Variants in MARCHF6 observed in about 807,000 individuals in gnomAD.
The protein encoded by MARCHF6 is E3 ubiquitin-protein ligase MARCHF6.
In MARCHF6, 31 loss-of-function variants were observed where a neutral mutation model predicts 133.7. The ratio of observed to expected loss-of-function variants is 0.23; its 90% confidence interval spans 0.17 to 0.31. The LOEUF (loss-of-function observed/expected upper bound fraction) is 0.31, where lower values mean the gene tolerates loss of function less well. MARCHF6 is among the 10% of genes least tolerant of loss of function. The pLI is 1.00. For synonymous variants in MARCHF6, 395 were observed against 402.5 expected, an observed-to-expected ratio of 0.98 and a Z score of 0.22; for missense variants, 723 against 1,121.6, an observed-to-expected ratio of 0.64 and a Z score of 5.08.
intron 9 of MARCHF6, among the ~76,000 whole-genome samples, chr5:10,396,434 G>A (rs1738196178): frequency 1.3e-5 from 2 of 152,168 alleles, no homozygotes; most frequent in Admixed American, 6.5e-5. Context: ...AGGCAGAGAG[G>A]TTGAAAAAAT....
chr5:10,420,569 G>A (rs768974641), intron 22 of MARCHF6, among the ~76,000 whole-genome samples: 8 of 152,314 alleles, frequency 5.3e-5, no homozygotes, highest in Non-Finnish European at 8.8e-5. Flanking sequence ...AGAGCATCCC[G>A]TGGCATCAAG....
Position 10,437,845 on chromosome 5 carries a change from T to C in MARCHF6, c.*4161T>C, listed in dbSNP as rs1740711295. The C allele has an allele frequency of 6.6e-6, 1 of 152,354 alleles. No individual in the cohort carries two copies. The highest frequency in any genetic ancestry group is 6.5e-5 in the Admixed American group (1 of 15,282). 9.4% of individuals were successfully genotyped at this position (152,354 alleles called of 1,614,324 possible). On this transcript the variant is annotated 3_prime_UTR_variant, in exon 26 of 26. Transcript: ENST00000274140. ...CAAAACTGAATAAAGTGAATGTTAA[T>C]TGTAGTCTAGTTTTTTTGTTTGTTT...
Position 10,397,287 on chromosome 5 carries a change from CT to C in MARCHF6, c.862-3del. On this transcript the variant is annotated splice_polypyrimidine_tract_variant and splice_region_variant and intron_variant, in intron 9 of 25. Coordinates refer to ENST00000274140, the MANE Select transcript of MARCHF6 (RefSeq NM_005885.4). ...AATATGCTTTATTGATGCTTTTTTC[CT>C]TTAGGAACATGTCTTCTGGGTGGTA... The C allele has an allele frequency of 1.3e-6, 2 of 1,561,580 alleles. No individual in the cohort carries two copies. The highest frequency in any genetic ancestry group is 1.7e-6 in the Non-Finnish European group (2 of 1,159,442).
intron 5 of MARCHF6, among the ~76,000 whole-genome samples, chr5:10,389,117 A>G (rs1009211689): frequency 6.6e-6 from 1 of 152,162 alleles, no homozygotes; most frequent in Non-Finnish European, 1.5e-5. Context: ...TCTATGGAGG[A>G]AAAAAGTGAT....
intron 7 of MARCHF6, among the ~76,000 whole-genome samples, chr5:10,393,248 T>C (rs910924970): frequency 6.6e-6 from 1 of 152,056 alleles, no homozygotes; most frequent in Non-Finnish European, 1.5e-5. Context: ...TTTTTGTTTT[T>C]GTTTTCTTGG....
chr5:10,380,841 C>T (rs1737091408), intron 3 of MARCHF6, among the ~76,000 whole-genome samples: 1 of 151,566 alleles, frequency 6.6e-6, no homozygotes, highest in Non-Finnish European at 1.5e-5. Flanking sequence ...GCAGGAGAAT[C>T]ACTTGAACCT....
intron 1 of MARCHF6, among the ~76,000 whole-genome samples, chr5:10,360,430 C>T (rs180741475): frequency 1.6e-4 from 24 of 152,218 alleles, no homozygotes; most frequent in African/African-American, 3.6e-4. Context: ...TGAGCCACCG[C>T]GCCCGGCTGT....
intron 10 of MARCHF6, among the ~76,000 whole-genome samples, chr5:10,399,304 T>TA (rs1738376091): frequency 6.6e-6 from 1 of 151,880 alleles, no homozygotes; most frequent in Admixed American, 6.6e-5. Flanking sequence ...AGTAAACTAA[T>TA]ACGTATATAT....
intron 1 of MARCHF6, among the ~76,000 whole-genome samples, chr5:10,355,294 C>T (rs1185795936): frequency 6.6e-6 from 1 of 152,142 alleles, no homozygotes; most frequent in Admixed American, 6.5e-5. Flanking sequence ...ACAGGTGGTC[C>T]TTGCGTGTAA....
intron 1 of MARCHF6, among the ~76,000 whole-genome samples, chr5:10,375,350 C>T (rs1019866516): frequency 4.6e-5 from 7 of 152,240 alleles, no homozygotes; most frequent in African/African-American, 7.2e-5. Flanking sequence ...GCCGGCCCAC[C>T]GGCGCTGTGC....
chr5:10,368,060 C>T (rs145551449), intron 1 of MARCHF6, among the ~76,000 whole-genome samples: 111 of 152,282 alleles, frequency 7.3e-4, no homozygotes, highest in African/African-American at 2.5e-3. Flanking sequence ...GAACCTACTT[C>T]GGTGGTTTAA....
chr5:10,403,634 T>C, intron 15 of MARCHF6, 93 bp downstream of exon 15: 1 of 1,140,138 alleles, frequency 8.8e-7, no homozygotes, highest in South Asian at 1.8e-5. Context: ...GATGATTTCC[T>C]ACCTAAATCA....
At chr5:10,376,432 G>A (rs1289179673) in intron 1 of MARCHF6, among the ~76,000 whole-genome samples, 1 of 152,102 alleles carries the variant, frequency 6.6e-6, no homozygotes, top group African/African-American at 2.4e-5. Context: ...AACTCCAGAC[G>A]CGACACCTTA....
chr5:10,378,859 A>ATT, intron 3 of MARCHF6, 27 bp downstream of exon 3: 1 of 1,523,820 alleles, frequency 6.6e-7, no homozygotes, highest in Non-Finnish European at 9.1e-7. Context: ...TTTTCACTGC[A>ATT]TTTTTTTTGG....
At position 10,407,091 on chromosome 5, in the gene MARCHF6, T is replaced by G; in HGVS notation, c.1453-11T>G. 6.5e-7 allele frequency: 1 copy of G among 1,532,308 alleles called. No homozygotes were observed. Among genetic ancestry groups the G allele is most frequent in the Non-Finnish European group, 9.0e-7 (1 of 1,107,134 alleles). 94.9% of individuals were successfully genotyped at this position (1,532,308 alleles called of 1,614,324 possible). ...TCTTATAGTGGTGTCATACCCTGTT[T>G]CCTTCTGCAGATTGTCTTTGGCTCC... On this transcript the variant is annotated splice_polypyrimidine_tract_variant and intron_variant, in intron 16 of 25. Transcript: ENST00000274140.
At chr5:10,359,524 AT>A (rs915642505) in intron 1 of MARCHF6, among the ~76,000 whole-genome samples, 1 of 151,810 alleles carries the variant, frequency 6.6e-6, no homozygotes, top group Non-Finnish European at 1.5e-5. Flanking sequence ...GCATAATTTT[AT>A]TTTTTTTGCT....
chr5:10,389,478 T>C (rs888307862), intron 5 of MARCHF6, among the ~76,000 whole-genome samples: 4 of 150,332 alleles, frequency 2.7e-5, no homozygotes, highest in Non-Finnish European at 5.9e-5. Flanking sequence ...CTTGGCTTAC[T>C]GCAACCCCCC....
intron 4 of MARCHF6, among the ~76,000 whole-genome samples, chr5:10,385,983 G>A (rs755760171): frequency 8.0e-5 from 12 of 150,714 alleles, no homozygotes; most frequent in East Asian, 3.9e-4. Context: ...GCTTAGCATC[G>A]TATCCTGGTG....
chr5:10,367,600 T>TC (rs1207182929), intron 1 of MARCHF6, among the ~76,000 whole-genome samples: 1 of 152,202 alleles, frequency 6.6e-6, no homozygotes, highest in Non-Finnish European at 1.5e-5. Flanking sequence ...TTTATTTTTT[T>TC]CCTCATACTA....
Sources: gnomAD v4.1 joint callset for allele counts (sites outside exome capture counted in the v4.1 genomes callset) on GRCh38, gnomAD v4.1.1 for gene constraint, MANE v1.5 for transcripts, NCBI Gene and HGNC (gene_info 2026-07-23, HGNC 2026-07-21) for gene names.